ZNF385D: variants seen among roughly 807,000 people sequenced by gnomAD.
The protein encoded by ZNF385D is zinc finger protein 659.
Under a neutral mutation model 35.8 loss-of-function variants are expected in ZNF385D, and 15 were observed. The ratio of observed to expected loss-of-function variants is 0.42; its 90% CI spans 0.28 to 0.64. The LOEUF (loss-of-function observed/expected upper bound fraction) is 0.64, where lower values mean the gene tolerates loss of function less well. Ranked by LOEUF, ZNF385D falls within the 30% of genes least tolerant of loss-of-function variation. The pLI, the probability that ZNF385D is intolerant of heterozygous loss-of-function variation, is 0.23. For synonymous variants in ZNF385D, 212 were observed against 186.8 expected, an observed-to-expected ratio of 1.13 and a Z score of -1.10; for missense variants, 474 against 494.6, an observed-to-expected ratio of 0.96 and a Z score of 0.39.
rs570597740 is a variant in ZNF385D at position 22,053,185 on chromosome 3, G to T, written c.325+115632C>A. Among the ~76,000 whole-genome samples, 38 of 89,862 alleles carry T rather than the reference G, an allele frequency of 4.2e-4. 13 individuals are homozygous for T. The highest frequency in any genetic ancestry group is 7.6e-4 in the Admixed American group (6 of 7,880). The allele number at this position is 89,862 out of a possible 152,430, so 59.0% of individuals were successfully genotyped here. A position where few individuals can be genotyped will look rare whatever the true frequency, so the allele number is the denominator to read the frequency against. On this transcript the variant is annotated intron_variant, in intron 3 of 5. Transcript: ENST00000494108. ...GCGTAGGACCCTCCGAGCCAGGTGTGGGATATAGTCTCACAATTAAAAGAA... is the reference window on the plus strand; with the variant it reads ...GCGTAGGACCCTCCGAGCCAGGTGTTGGATATAGTCTCACAATTAAAAGAA...
At chr3:22,364,966 GT>G (rs200721520) in intron 2 of ZNF385D, among the ~76,000 whole-genome samples, 3,420 of 151,986 alleles carry the variant, frequency 0.023, 123 homozygotes, top group African/African-American at 0.078. Flanking sequence ...ATGAAATCAA[GT>G]TATGTGAAAT....
intron 2 of ZNF385D, among the ~76,000 whole-genome samples, chr3:22,244,427 T>C (rs1346343539): frequency 7.4e-6 from 1 of 135,586 alleles, no homozygotes; most frequent in Non-Finnish European, 1.6e-5. Context: ...AAAATAAATA[T>C]CAAGTATATT....
At chr3:22,255,890 A>T (rs1700289963) in intron 2 of ZNF385D, among the ~76,000 whole-genome samples, 1 of 151,444 alleles carries the variant, frequency 6.6e-6, no homozygotes, top group Non-Finnish European at 1.5e-5. Flanking sequence ...AGTATTGATG[A>T]TCCTGGGTGT....
At chr3:22,132,950 T>G (rs897782012) in intron 3 of ZNF385D, among the ~76,000 whole-genome samples, 8 of 152,122 alleles carry the variant, frequency 5.3e-5, no homozygotes, top group Non-Finnish European at 7.4e-5. Flanking sequence ...AGATTCAGAC[T>G]GTGTAAACAC....
intron 3 of ZNF385D, among the ~76,000 whole-genome samples, chr3:22,125,843 G>A (rs948065418): frequency 6.6e-6 from 1 of 152,000 alleles, no homozygotes; most frequent in Admixed American, 6.6e-5. Flanking sequence ...CCAAATACAA[G>A]ATCATATCAT....
chr3:21,841,275 C>G (rs1695655559), intron 3 of ZNF385D, among the ~76,000 whole-genome samples: 1 of 151,930 alleles, frequency 6.6e-6, no homozygotes, highest in African/African-American at 2.4e-5. Flanking sequence ...ATTATTTATT[C>G]AATTATTCCT....
intron 2 of ZNF385D, among the ~76,000 whole-genome samples, chr3:21,652,894 C>G (rs188861169): frequency 6.6e-6 from 1 of 152,088 alleles, no homozygotes; most frequent in Non-Finnish European, 1.5e-5. Flanking sequence ...ATTAACGTGT[C>G]TTCATTTTTG....
chr3:21,996,763 T>C (rs985928443), intron 3 of ZNF385D, among the ~76,000 whole-genome samples: 1 of 152,192 alleles, frequency 6.6e-6, no homozygotes, highest in Non-Finnish European at 1.5e-5. Context: ...AACTTTTAAA[T>C]ACTATCTTAA....
At chr3:22,283,808 A>T (rs1338884444) in intron 2 of ZNF385D, among the ~76,000 whole-genome samples, 1 of 152,176 alleles carries the variant, frequency 6.6e-6, no homozygotes, top group Non-Finnish European at 1.5e-5. Flanking sequence ...CCCTGTATCT[A>T]TGGGAAGGTA....
intron 2 of ZNF385D, among the ~76,000 whole-genome samples, chr3:22,309,462 A>C (rs1559511655): frequency 6.6e-6 from 1 of 152,108 alleles, no homozygotes; most frequent in Admixed American, 6.6e-5. Context: ...TAATGACATC[A>C]AACTATTTTT....
chr3:21,617,925 C>T (rs961605549), intron 2 of ZNF385D, among the ~76,000 whole-genome samples: 16 of 152,102 alleles, frequency 1.1e-4, no homozygotes, highest in Non-Finnish European at 2.1e-4. Flanking sequence ...AAAACCCCTT[C>T]CAGTTCTCCA....
intron 3 of ZNF385D, among the ~76,000 whole-genome samples, chr3:21,842,123 G>C (rs1695721234): frequency 6.6e-6 from 1 of 151,736 alleles, no homozygotes; most frequent in Non-Finnish European, 1.5e-5. Flanking sequence ...TTCTCTTTCA[G>C]ATGAAAAACC....
intron 3 of ZNF385D, among the ~76,000 whole-genome samples, chr3:21,808,281 C>G (rs2072743490): frequency 6.6e-6 from 1 of 152,094 alleles, no homozygotes. Flanking sequence ...TAGGAAAAGT[C>G]CCCTTCTAAC....
chr3:21,532,293 C>T (rs2061943460), intron 3 of ZNF385D, among the ~76,000 whole-genome samples: 1 of 152,106 alleles, frequency 6.6e-6, no homozygotes. Flanking sequence ...TACCTTTGGA[C>T]TTCTTCATTG....
intron 2 of ZNF385D, among the ~76,000 whole-genome samples, chr3:22,206,891 A>G (rs921955188): frequency 1.3e-5 from 2 of 151,934 alleles, no homozygotes; most frequent in East Asian, 3.9e-4. Flanking sequence ...AGCCAAAGTT[A>G]GTAGAACAAA....
At chr3:21,440,777 G>C (rs1326058025) in intron 4 of ZNF385D, among the ~76,000 whole-genome samples, 4 of 152,064 alleles carry the variant, frequency 2.6e-5, no homozygotes, top group Admixed American at 2.6e-4. Context: ...ATTATAACCA[G>C]TCAACAAATG....
intron 2 of ZNF385D, among the ~76,000 whole-genome samples, chr3:22,191,365 T>C (rs1224472592): frequency 2.0e-5 from 3 of 151,926 alleles, no homozygotes; most frequent in Non-Finnish European, 4.4e-5. Context: ...TGCATGCCTG[T>C]AATGCCAGCT....
intron 2 of ZNF385D, among the ~76,000 whole-genome samples, chr3:21,619,413 C>CGTGTGTGTGT (rs10594035): frequency 1.4e-5 from 2 of 147,752 alleles, no homozygotes; most frequent in African/African-American, 4.9e-5. Context: ...CGTGTGTGTG[C>CGTGTGTGTGT]GTGTGTGTGT....
At chr3:22,357,285 C>T (rs1279670242) in intron 2 of ZNF385D, among the ~76,000 whole-genome samples, 1 of 151,846 alleles carries the variant, frequency 6.6e-6, no homozygotes, top group Non-Finnish European at 1.5e-5. Flanking sequence ...GTAATAAATG[C>T]AGTAAGAAAT....
Sources: gnomAD v4.1 joint callset for allele counts (sites outside exome capture counted in the v4.1 genomes callset) on GRCh38, gnomAD v4.1.1 for gene constraint, MANE v1.5 for transcripts, NCBI Gene and HGNC (gene_info 2026-07-23, HGNC 2026-07-21) for gene names.